HIBADH: variants seen among roughly 807,000 people sequenced by gnomAD.
The protein encoded by HIBADH is 3-hydroxyisobutyrate dehydrogenase.
Under a neutral mutation model 36.1 loss-of-function variants are expected in HIBADH, and 25 were observed. That is an observed-to-expected ratio of 0.69 (90% CI 0.50 to 0.97). HIBADH has a LOEUF of 0.97. HIBADH is among the 50% of genes least tolerant of loss of function. The probability of loss-of-function intolerance (pLI) is 0.00; values close to 1 mark genes in which losing one functional copy is unlikely to be tolerated. For missense variants in HIBADH, 421 were observed against 418.0 expected (o/e 1.01, Z -0.06); for synonymous variants, 160 against 149.5 (o/e 1.07, Z -0.51).
chr7:27,623,324 T>C (rs897731734), intron 4 of HIBADH, among the ~76,000 whole-genome samples: 1 of 152,204 alleles, frequency 6.6e-6, no homozygotes, highest in Non-Finnish European at 1.5e-5. Context: ...TTGAAAGCTT[T>C]TTCTCTAAGA....
At chr7:27,644,183 T>C (rs1238715755) in intron 2 of HIBADH, among the ~76,000 whole-genome samples, 2 of 152,146 alleles carry the variant, frequency 1.3e-5, no homozygotes, top group Non-Finnish European at 1.5e-5. Context: ...AGAAGAAACC[T>C]GGCCAGGCAT....
rs568735872 is a variant in HIBADH, at chr7:27,540,302, T to A, written c.619-1885A>T. On this transcript the variant is annotated intron_variant, in intron 5 of 7. Coordinates refer to ENST00000265395, the MANE Select transcript of HIBADH (RefSeq NM_152740.4). ...TTCCTGGCACTGCTTTTGGTACATCTTCTTCCTCATCATCTGGTACTGTTC... is the reference window on the plus strand; with the variant it reads ...TTCCTGGCACTGCTTTTGGTACATCATCTTCCTCATCATCTGGTACTGTTC... 6.4e-4 allele frequency among the ~76,000 whole-genome samples: 97 copies of A among 152,326 alleles called. 2 individuals are homozygous for A. The South Asian group carries it at 0.02, about 31-fold the overall frequency.
rs898506839 is a variant in HIBADH, at chr7:27,525,764, A to C, written c.*450T>G. The stretch of plus-strand genomic sequence containing the variant: ...GTAGTGCAGTAACCATTTGGTTAAC[A>C]GGACAAACTTCCTGATGGACACAGA... On this transcript the variant is annotated 3_prime_UTR_variant, in exon 8 of 8. Coordinates refer to ENST00000265395, the MANE Select transcript of HIBADH (RefSeq NM_152740.4). 1 of 152,356 alleles carries C rather than the reference A, an allele frequency of 6.6e-6. No individual in the cohort carries two copies. Among genetic ancestry groups the C allele is most frequent in the Admixed American group, 6.5e-5 (1 of 15,296 alleles). The allele number at this position is 152,356 out of a possible 1,614,324, so 9.4% of individuals were successfully genotyped here.
At chr7:27,542,861 A>G in intron 5 of HIBADH, 106 bp downstream of exon 5, 2 of 1,219,426 alleles carry the variant, frequency 1.6e-6, no homozygotes, top group South Asian at 3.1e-5. Flanking sequence ...CTGAGCAAAG[A>G]ATCCATAGGT....
chr7:27,612,972 T>C (rs904746214), intron 4 of HIBADH, among the ~76,000 whole-genome samples: 1 of 138,170 alleles, frequency 7.2e-6, no homozygotes, highest in Non-Finnish European at 1.5e-5. Context: ...TTTATATATA[T>C]ATTATATATA....
At chr7:27,658,374 T>C (rs1484829838) in intron 1 of HIBADH, among the ~76,000 whole-genome samples, 2 of 152,230 alleles carry the variant, frequency 1.3e-5, no homozygotes, top group African/African-American at 4.8e-5. Context: ...TAGTGTCTAT[T>C]ACTGAGGACG....
rs189005889 is a variant in HIBADH, at chr7:27,598,030, T to C, written c.484+31341A>G. Among the ~76,000 whole-genome samples the C allele has an allele frequency of 2.9e-3, 446 of 152,334 alleles. 6 individuals carry two copies. Among genetic ancestry groups the C allele is most frequent in the Non-Finnish European group, 3.1e-3 (213 of 68,022 alleles). ...GCCAAGCAATGTGATTAGAATCTCC[T>C]ACTTGTTTTTAGCAACAAGTTTATT... On this transcript the variant is annotated intron_variant, in intron 4 of 7. Transcript: ENST00000265395.
intron 6 of HIBADH, among the ~76,000 whole-genome samples, chr7:27,534,413 G>A (rs951829581): frequency 1.3e-5 from 2 of 152,114 alleles, no homozygotes; most frequent in African/African-American, 4.8e-5. Context: ...CTATATCCAA[G>A]TGCTACACGT....
At chr7:27,552,494 T>G (rs2128185618) in intron 4 of HIBADH, among the ~76,000 whole-genome samples, 1 of 152,322 alleles carries the variant, frequency 6.6e-6, no homozygotes, top group South Asian at 2.1e-4. Context: ...AGGCTTGTCT[T>G]TCAGGGGCAT....
At chr7:27,567,580 A>G (rs6975900) in intron 4 of HIBADH, among the ~76,000 whole-genome samples, 31,918 of 151,870 alleles carry the variant, frequency 0.21, 4,477 homozygotes, top group East Asian at 0.46. Flanking sequence ...CTTCTTCTGC[A>G]TTACAGTATT....
intron 4 of HIBADH, among the ~76,000 whole-genome samples, chr7:27,592,226 T>C (rs1784949628): frequency 6.6e-6 from 1 of 152,236 alleles, no homozygotes; most frequent in African/African-American, 2.4e-5. Flanking sequence ...AATGTGTTTT[T>C]TATGAATATG....
At chr7:27,565,517 C>T (rs1016671379) in intron 4 of HIBADH, among the ~76,000 whole-genome samples, 2 of 152,130 alleles carry the variant, frequency 1.3e-5, no homozygotes, top group African/African-American at 2.4e-5. Context: ...TGTATGTTGA[C>T]CTTGTGTTCT....
At chr7:27,537,900 G>A (rs1399265483) in intron 6 of HIBADH, among the ~76,000 whole-genome samples, 1 of 151,698 alleles carries the variant, frequency 6.6e-6, no homozygotes, top group Non-Finnish European at 1.5e-5. Flanking sequence ...TGCAGATTTG[G>A]GGGACTATAT....
At chr7:27,591,139 A>T (rs1054576049) in intron 4 of HIBADH, among the ~76,000 whole-genome samples, 16 of 152,196 alleles carry the variant, frequency 1.1e-4, no homozygotes, top group African/African-American at 3.9e-4. Flanking sequence ...AATTAGGTAA[A>T]TGGGTACGAT....
intron 4 of HIBADH, among the ~76,000 whole-genome samples, chr7:27,552,021 G>A (rs560705328): frequency 2.0e-4 from 31 of 152,304 alleles, no homozygotes; most frequent in Admixed American, 1.8e-3. Flanking sequence ...AGAAAAAGGC[G>A]ACAGCTGGGA....
chr7:27,624,036 GA>G (rs1381821340), intron 4 of HIBADH, among the ~76,000 whole-genome samples: 3 of 152,182 alleles, frequency 2.0e-5, no homozygotes, highest in Non-Finnish European at 4.4e-5. Context: ...GAGCTCAGGT[GA>G]TCCACCTGCC....
At chr7:27,542,223 A>T (rs943165850) in intron 5 of HIBADH, among the ~76,000 whole-genome samples, 36 of 139,424 alleles carry the variant, frequency 2.6e-4, no homozygotes, top group Non-Finnish European at 3.2e-4. Context: ...CTTCAAAAAA[A>T]TTTTCAATAT....
intron 1 of HIBADH, among the ~76,000 whole-genome samples, chr7:27,657,549 T>C (rs1049588618): frequency 6.6e-6 from 1 of 152,112 alleles, no homozygotes; most frequent in African/African-American, 2.4e-5. Flanking sequence ...CTGATGTTAC[T>C]GAAGCTGAAG....
chr7:27,620,486 C>T (rs1785518952), intron 4 of HIBADH, among the ~76,000 whole-genome samples: 1 of 151,288 alleles, frequency 6.6e-6, no homozygotes, highest in Non-Finnish European at 1.5e-5. Context: ...ACAACAACAA[C>T]AACAAAAACA....
Sources: gnomAD v4.1 joint callset for allele counts (sites outside exome capture counted in the v4.1 genomes callset) on GRCh38, gnomAD v4.1.1 for gene constraint, MANE v1.5 for transcripts, NCBI Gene and HGNC (gene_info 2026-07-23, HGNC 2026-07-21) for gene names.